The following OVCH2 variants were observed in gnomAD, a reference collection of about 807,000 sequenced individuals.
The protein encoded by OVCH2 is ovochymase-2.
In OVCH2, 88 loss-of-function variants were observed where a neutral mutation model predicts 73.7. The observed-to-expected ratio is 1.19, with a 90% CI of 1.01 to 1.43. The LOEUF (loss-of-function observed/expected upper bound fraction) is 1.43, where lower values mean the gene tolerates loss of function less well. OVCH2 is among the 40% of genes most tolerant of loss of function. The probability of loss-of-function intolerance (pLI) is 0.00; values close to 1 mark genes in which losing one functional copy is unlikely to be tolerated. For synonymous variants in OVCH2, 265 were observed against 234.5 expected (o/e 1.13, Z -1.19); for missense variants, 706 against 674.5 (o/e 1.05, Z -0.52).
downstream of OVCH2, among the ~76,000 whole-genome samples, chr11:7,687,841 C>T (rs1272344091): frequency 1.3e-5 from 2 of 152,024 alleles, no homozygotes; most frequent in Non-Finnish European, 2.9e-5. Context: ...CTGGTGAGGG[C>T]CCCCTTCCTG....
chr11:7,702,960 A>C (rs796915562), intron 3 of OVCH2, among the ~76,000 whole-genome samples: 59 of 152,340 alleles, frequency 3.9e-4, no homozygotes, highest in African/African-American at 1.4e-3. Context: ...TAGGTACCTA[A>C]CTTAACACAT....
rs185462888 is a variant in OVCH2, at chr11:7,695,074, T to A, written c.1397A>T (p.Lys466Ile). 1.3e-6 allele frequency: 2 copies of A among 1,551,010 alleles called. No homozygotes were observed. Among genetic ancestry groups the A allele is most frequent in the African/African-American group, 2.7e-5 (2 of 72,958 alleles). ...ANCDWIFQAS[K>I]HHLIKLSFQS... ...AGTCAATACCTTAATTAGGTGATGTTTGGAGGCTTGAAAAATCCAGTCACA... is the reference window on the plus strand; with the variant it reads ...AGTCAATACCTTAATTAGGTGATGTATGGAGGCTTGAAAAATCCAGTCACA... The change falls in exon 12 of 16, where the codon AAA becomes ATA. Residue 466 changes from lysine to isoleucine, a missense_variant. Transcript: ENST00000533663.
intron 8 of OVCH2, 28 bp downstream of exon 8, chr11:7,698,722 G>C (rs775645915): frequency 2.5e-6 from 4 of 1,605,680 alleles, no homozygotes; most frequent in Non-Finnish European, 3.4e-6. Flanking sequence ...TTGTGCTCCT[G>C]ATGGAGCAGC....
At chr11:7,704,705 T>G (rs541835575) in intron 1 of OVCH2, 31 bp from the exon 2 acceptor site, 2 of 1,444,714 alleles carry the variant, frequency 1.4e-6, no homozygotes, top group East Asian at 4.7e-5. Context: ...ACTAAATGAT[T>G]AGATAGCTTC....
chr11:7,702,110 A>T, intron 4 of OVCH2, 47 bp downstream of exon 4: 1 of 1,492,250 alleles, frequency 6.7e-7, no homozygotes, highest in Non-Finnish European at 9.3e-7. Context: ...CACAGAGGTT[A>T]TAGAGAACAT....
intron 14 of OVCH2, 85 bp downstream of exon 14, chr11:7,691,184 C>G (rs1334549228): frequency 6.8e-7 from 1 of 1,465,870 alleles, no homozygotes; most frequent in African/African-American, 1.4e-5. Flanking sequence ...AATCGACTGT[C>G]TCTGTGTTGG....
downstream of OVCH2, among the ~76,000 whole-genome samples, chr11:7,687,893 G>A (rs1012485096): frequency 1.3e-5 from 2 of 152,120 alleles, no homozygotes; most frequent in African/African-American, 4.8e-5. Context: ...TCACAAAGGG[G>A]AGAGTAGAAA....
chr11:7,697,093 G>C, intron 8 of OVCH2: 1 of 383,540 alleles, frequency 2.6e-6, no homozygotes, highest in Non-Finnish European at 4.7e-6. Flanking sequence ...GTGGAGTGCA[G>C]TGGCACGATC....
chr11:7,688,813 G>A (rs536714285), downstream of OVCH2, among the ~76,000 whole-genome samples: 3 of 152,140 alleles, frequency 2.0e-5, no homozygotes, highest in Non-Finnish European at 2.9e-5. Flanking sequence ...CAAGGAACAG[G>A]GAAAGCCCAG....
In OVCH2 at chr11:7,706,438, G is replaced by T. The variant is rs181308554; in HGVS notation, c.-44C>A. On this transcript the variant is annotated 5_prime_UTR_variant, in exon 1 of 16. Transcript: ENST00000533663. ...TCCCTGAAATTTTAGAGAGACTAAA[G>T]CAAACAAAAATAGGAAGCCTTGAGA... 1.3e-6 allele frequency: 2 copies of T among 1,528,804 alleles called. No individual in the cohort carries two copies. The highest frequency in any genetic ancestry group is 4.5e-5 in the Admixed American group (2 of 44,644). 94.7% of individuals were successfully genotyped at this position (1,528,804 alleles called of 1,614,324 possible). A position where few individuals can be genotyped will look rare whatever the true frequency, so the allele number is the denominator to read the frequency against.
chr11:7,680,993 A>G, the OVCH2 span, among the ~76,000 whole-genome samples: 1 of 152,160 alleles, frequency 6.6e-6, no homozygotes, highest in Non-Finnish European at 1.5e-5. Context: ...CCTGCTACCC[A>G]GTCACATCTT....
chr11:7,684,548 C>T (rs571340293), downstream of OVCH2, among the ~76,000 whole-genome samples: 10 of 145,224 alleles, frequency 6.9e-5, no homozygotes, highest in Admixed American at 5.4e-4. Flanking sequence ...GTGTGTATTA[C>T]GGTTCTTAAA....
chr11:7,699,540 A>C (rs775361081), intron 7 of OVCH2: 3 of 152,214 alleles, frequency 2.0e-5, no homozygotes, highest in Admixed American at 6.5e-5. Flanking sequence ...ATTTTTAAAA[A>C]TTTGTATTGT....
intron 8 of OVCH2, 101 bp downstream of exon 8, chr11:7,698,649 G>C: frequency 1.6e-6 from 2 of 1,282,406 alleles, no homozygotes; most frequent in Non-Finnish European, 2.2e-6. Flanking sequence ...GACCTACTGA[G>C]CAGGGAGCGC....
At chr11:7,681,212 T>C in the OVCH2 span, among the ~76,000 whole-genome samples, 1 of 152,378 alleles carries the variant, frequency 6.6e-6, no homozygotes, top group African/African-American at 2.4e-5. Flanking sequence ...TGCTGACCAA[T>C]GCAGAATATT....
chr11:7,687,943 T>A (rs4480534), downstream of OVCH2, among the ~76,000 whole-genome samples: 58,229 of 151,630 alleles, frequency 0.38, 12,900 homozygotes, highest in African/African-American at 0.62. Flanking sequence ...CTTATAAAGG[T>A]ACTAATCCCA....
Position 7,701,829 on chromosome 11 carries a change from G to T in OVCH2, c.464-18C>A. 1 of 1,589,846 alleles carries T rather than the reference G, an allele frequency of 6.3e-7. No homozygotes were observed. The highest frequency in any genetic ancestry group is 2.3e-5 in the East Asian group (1 of 43,680). ...AAAGTGGCCTGAAGAAAAGAGCAAGGTAGGGCTTGTCTCATTCATGGAGGA... is the reference window on the plus strand; with the variant it reads ...AAAGTGGCCTGAAGAAAAGAGCAAGTTAGGGCTTGTCTCATTCATGGAGGA... On this transcript the variant is annotated intron_variant, in intron 4 of 15. Coordinates refer to ENST00000533663, the MANE Select transcript of OVCH2 (RefSeq NM_198185.7).
chr11:7,696,369 C>G (rs757713764), intron 10 of OVCH2, 96 bp downstream of exon 10: 4 of 1,500,712 alleles, frequency 2.7e-6, no homozygotes, highest in Non-Finnish European at 3.6e-6. Context: ...AGAAGTGTGG[C>G]ATTTACAGAT....
At chr11:7,687,483 G>A (rs141028419), downstream of OVCH2, among the ~76,000 whole-genome samples, 18 of 152,214 alleles carry the variant, frequency 1.2e-4, no homozygotes, top group East Asian at 3.3e-3. Context: ...AGAGGCCAGA[G>A]GCTCAGAACA....
Sources: allele counts gnomAD v4.1 joint callset (sites outside exome capture counted in the v4.1 genomes callset), GRCh38; gene constraint gnomAD v4.1.1; transcripts MANE v1.5; gene names NCBI Gene and HGNC (gene_info 2026-07-23, HGNC 2026-07-21).